Variants in NEK1 observed in about 807,000 individuals in gnomAD.
The protein encoded by NEK1 is serine/threonine-protein kinase Nek1.
NEK1 carries 137 observed loss-of-function variants against 182.1 expected under a neutral mutation model. That is an observed-to-expected ratio of 0.75 (90% CI 0.65 to 0.87). The LOEUF (loss-of-function observed/expected upper bound fraction) is 0.87. Ranked by LOEUF, NEK1 falls within the 40% of genes least tolerant of loss-of-function variation. The pLI, the probability that NEK1 is intolerant of heterozygous loss-of-function variation, is 0.00. For missense variants in NEK1, 1,391 were observed against 1,494.4 expected, an observed-to-expected ratio of 0.93 and a Z score of 1.14; for synonymous variants, 513 against 492.2, an observed-to-expected ratio of 1.04 and a Z score of -0.56.
chr4:169,555,649 G>T, intron 18 of NEK1, 71 bp downstream of exon 18: 1 of 1,564,000 alleles, frequency 6.4e-7, no homozygotes, highest in Non-Finnish European at 8.8e-7. Flanking sequence ...ACAAAGTGTA[G>T]GTACTAAGCT....
At chr4:169,582,397 G>C (rs1766802623) in intron 10 of NEK1, among the ~76,000 whole-genome samples, 1 of 152,146 alleles carries the variant, frequency 6.6e-6, no homozygotes, top group African/African-American at 2.4e-5. Context: ...GACTGTTGTG[G>C]TGAGACTCAG....
At chr4:169,527,062 C>T (rs1448462403) in intron 19 of NEK1, among the ~76,000 whole-genome samples, 1 of 152,078 alleles carries the variant, frequency 6.6e-6, no homozygotes, top group Non-Finnish European at 1.5e-5. Flanking sequence ...ATACTGAAAG[C>T]GTCCAGAGGA....
At chr4:169,456,566 G>A (rs1742921944) in intron 27 of NEK1, among the ~76,000 whole-genome samples, 1 of 152,134 alleles carries the variant, frequency 6.6e-6, no homozygotes, top group African/African-American at 2.4e-5. Flanking sequence ...AGGATCTTTA[G>A]AAGCTACTAT....
At chr4:169,428,926 T>C (rs1232363753) in intron 29 of NEK1, among the ~76,000 whole-genome samples, 1 of 152,220 alleles carries the variant, frequency 6.6e-6, no homozygotes, top group Non-Finnish European at 1.5e-5. Flanking sequence ...TCCATATTAA[T>C]AAAGAGTCCC....
At chr4:169,528,369 GA>G (rs1373270990) in intron 19 of NEK1, among the ~76,000 whole-genome samples, 2 of 152,188 alleles carry the variant, frequency 1.3e-5, no homozygotes, top group African/African-American at 2.4e-5. Flanking sequence ...GGAACTGAGA[GA>G]GACCTCAAGT....
intron 5 of NEK1, among the ~76,000 whole-genome samples, chr4:169,594,235 TACC>T (rs1769062153): frequency 6.6e-6 from 1 of 152,206 alleles, no homozygotes; most frequent in South Asian, 2.1e-4. Flanking sequence ...CACCAAACAG[TACC>T]ACAATTCATC....
Position 169,507,708 on chromosome 4 carries a change from T to G in NEK1, c.1911+7A>C. 6.2e-7 allele frequency: 1 copy of G among 1,607,248 alleles called. No homozygotes were observed. The highest frequency in any genetic ancestry group is 8.5e-7 in the Non-Finnish European group (1 of 1,174,596). ...CTAAGAAAACCTGTATCATTTCTAGTCTATACCTTCAGTGATTCGATTTTT... is the reference window on the plus strand; with the variant it reads ...CTAAGAAAACCTGTATCATTTCTAGGCTATACCTTCAGTGATTCGATTTTT... On this transcript the variant is annotated splice_region_variant and intron_variant, in intron 22 of 35. Coordinates refer to ENST00000507142, the MANE Select transcript of NEK1 (RefSeq NM_001199397.3).
At chr4:169,489,699 G>A (rs946525500) in intron 23 of NEK1, among the ~76,000 whole-genome samples, 1 of 152,026 alleles carries the variant, frequency 6.6e-6, no homozygotes, top group African/African-American at 2.4e-5. Context: ...TGCCCTACTG[G>A]CTCCAGAAAC....
chr4:169,488,407 C>G (rs1749444868), intron 23 of NEK1, among the ~76,000 whole-genome samples: 1 of 152,228 alleles, frequency 6.6e-6, no homozygotes, highest in Middle Eastern at 3.4e-3. Flanking sequence ...GCCAGTTCTC[C>G]CAGCACCATT....
chr4:169,401,824 C>A lies in NEK1; in HGVS notation c.3411G>T (p.Leu1137=), dbSNP rs56077602. The A allele has an allele frequency of 1.2e-5, 20 of 1,613,172 alleles. No homozygotes were observed. In the South Asian group the frequency reaches 2.0e-4, roughly 16 times the overall value. The change falls in exon 33 of 36, where the codon CTG becomes CTT. Residue 1137 remains leucine, a synonymous_variant. Coordinates refer to ENST00000507142, the MANE Select transcript of NEK1 (RefSeq NM_001199397.3). ...TAAGTAACTGTTCCATCGAGGCCTGCAGCTCTTGTAAATCTGTGTCAGTTT... is the reference window on the plus strand; with the variant it reads ...TAAGTAACTGTTCCATCGAGGCCTGAAGCTCTTGTAAATCTGTGTCAGTTT... ...FEETDTDLQE[L]QASMEQLLRE...
At chr4:169,559,886 G>T (rs1762654755) in intron 16 of NEK1, among the ~76,000 whole-genome samples, 1 of 152,142 alleles carries the variant, frequency 6.6e-6, no homozygotes, top group African/African-American at 2.4e-5. Flanking sequence ...GTGCATGCCT[G>T]TAATCCCAGC....
intron 18 of NEK1, among the ~76,000 whole-genome samples, chr4:169,552,226 T>C (rs768869138): frequency 6.6e-6 from 1 of 152,046 alleles, no homozygotes; most frequent in East Asian, 1.9e-4. Flanking sequence ...TTACCAGCTA[T>C]GAAAGGAAAG....
At chr4:169,591,146 C>G (rs956419648) in intron 5 of NEK1, among the ~76,000 whole-genome samples, 6 of 144,538 alleles carry the variant, frequency 4.2e-5, no homozygotes, top group African/African-American at 5.5e-5. Flanking sequence ...TCTATAACGC[C>G]CCCCCCCCAC....
intron 19 of NEK1, among the ~76,000 whole-genome samples, chr4:169,527,366 A>C (rs1757040871): frequency 6.6e-6 from 1 of 152,164 alleles, no homozygotes; most frequent in South Asian, 2.1e-4. Context: ...TTAGGAATGA[A>C]AGAAAAGTAA....
chr4:169,555,750 T>C lies in NEK1; in HGVS notation c.1532A>G (p.Lys511Arg), dbSNP rs1580735171. The C allele has an allele frequency of 6.2e-7, 1 of 1,613,716 alleles. No individual in the cohort carries two copies. Among genetic ancestry groups the C allele is most frequent in the African/African-American group, 1.3e-5 (1 of 74,908 alleles). The change falls in exon 18 of 36, where the codon AAG becomes AGG. Residue 511 changes from lysine to arginine, a missense_variant. By Grantham distance (26) the Lys-to-Arg change is conservative. Coordinates refer to ENST00000507142, the MANE Select transcript of NEK1 (RefSeq NM_001199397.3). ...TGCATTGGCTTGTTTAGACACCGCC[T>C]TCAATCTTTTCAAAGTTTTTCTAAT... ...DDIRKTLKRL[K>R]AVSKQANANR...
At chr4:169,457,102 C>T (rs1432142888) in intron 27 of NEK1, among the ~76,000 whole-genome samples, 1 of 151,894 alleles carries the variant, frequency 6.6e-6, no homozygotes, top group Non-Finnish European at 1.5e-5. Context: ...TTAATGAGTA[C>T]AAAAATACAG....
At chr4:169,438,604 A>C (rs1245213951) in intron 27 of NEK1, among the ~76,000 whole-genome samples, 1 of 152,216 alleles carries the variant, frequency 6.6e-6, no homozygotes, top group Non-Finnish European at 1.5e-5. Flanking sequence ...AATTCTCCAC[A>C]CTAAGGAGAG....
intron 31 of NEK1, among the ~76,000 whole-genome samples, chr4:169,419,802 T>C (rs1217151032): frequency 6.6e-6 from 1 of 152,230 alleles, no homozygotes; most frequent in African/African-American, 2.4e-5. Flanking sequence ...AGCATGTTAC[T>C]ACACTCAATA....
chr4:169,555,638 C>T (rs1762053750), intron 18 of NEK1, 82 bp downstream of exon 18: 2 of 1,551,926 alleles, frequency 1.3e-6, no homozygotes, highest in Non-Finnish European at 1.8e-6. Context: ...AGAAAACATC[C>T]ACAAAGTGTA....
Sources: gnomAD v4.1 joint callset for allele counts (sites outside exome capture counted in the v4.1 genomes callset) on GRCh38, gnomAD v4.1.1 for gene constraint, MANE v1.5 for transcripts, NCBI Gene and HGNC (gene_info 2026-07-23, HGNC 2026-07-21) for gene names.